The following MACROD2 variants were observed in gnomAD, a reference collection of about 807,000 sequenced individuals.
The protein encoded by MACROD2 is ADP-ribose glycohydrolase MACROD2.
MACROD2 carries 36 observed loss-of-function variants against 70.4 expected under a neutral mutation model. That is an observed-to-expected ratio of 0.51 (90% CI 0.39 to 0.68). MACROD2 has a LOEUF of 0.68. MACROD2 is among the 30% of genes least tolerant of loss of function. The pLI is 0.00. For missense variants in MACROD2, 496 were observed against 538.4 expected (o/e 0.92, Z 0.78); for synonymous variants, 172 against 178.8 (o/e 0.96, Z 0.30).
At chr20:15,245,874 C>A (rs1186500146) in intron 6 of MACROD2, among the ~76,000 whole-genome samples, 1 of 152,184 alleles carries the variant, frequency 6.6e-6, no homozygotes, top group African/African-American at 2.4e-5. Flanking sequence ...GAGGAACATC[C>A]AGATTTGCAC....
chr20:15,579,675 A>G (rs1159472297), intron 8 of MACROD2, among the ~76,000 whole-genome samples: 1 of 152,226 alleles, frequency 6.6e-6, no homozygotes, highest in Admixed American at 6.5e-5. Flanking sequence ...AAAATATTTG[A>G]TAATTCTCCT....
At chr20:15,515,435 T>A (rs975194739) in intron 8 of MACROD2, among the ~76,000 whole-genome samples, 4 of 152,246 alleles carry the variant, frequency 2.6e-5, no homozygotes, top group Non-Finnish European at 4.4e-5. Context: ...TTACTCCTGT[T>A]ATCTCTGCTC....
intron 8 of MACROD2, among the ~76,000 whole-genome samples, chr20:15,677,854 G>T (rs934138121): frequency 6.6e-6 from 1 of 152,102 alleles, no homozygotes. Flanking sequence ...GGATCATGAG[G>T]TCAAGAGATT....
intron 8 of MACROD2, among the ~76,000 whole-genome samples, chr20:15,706,060 A>G (rs1486617116): frequency 6.6e-6 from 1 of 152,218 alleles, no homozygotes; most frequent in Non-Finnish European, 1.5e-5. Flanking sequence ...GGATGTTGTT[A>G]CATGCCTGCC....
intron 3 of MACROD2, among the ~76,000 whole-genome samples, chr20:14,288,723 C>A (rs1751946423): frequency 6.6e-6 from 1 of 152,088 alleles, no homozygotes; most frequent in Admixed American, 6.5e-5. Flanking sequence ...TTTCAAGGAA[C>A]TTGAAATCAC....
intron 3 of MACROD2, among the ~76,000 whole-genome samples, chr20:14,227,625 G>A (rs982540358): frequency 2.5e-4 from 38 of 152,342 alleles, no homozygotes; most frequent in African/African-American, 8.2e-4. Flanking sequence ...CTGCCTTTAA[G>A]AACTGTAACA....
At chr20:14,741,760 T>G (rs773580880) in intron 5 of MACROD2, among the ~76,000 whole-genome samples, 13 of 152,122 alleles carry the variant, frequency 8.5e-5, no homozygotes, top group Non-Finnish European at 1.6e-4. Context: ...TTTTTAAGAA[T>G]GCAGTATATG....
In MACROD2 at chr20:14,600,343, T is replaced by TACACAC. The variant is rs1042255013; in HGVS notation, c.302-84482_302-84477dup. On this transcript the variant is annotated intron_variant, in intron 4 of 17. Transcript: ENST00000684519. ...ATGCAGCTACATATATATATATATA[T>TACACAC]ACACACACACACACACACACACAAA... 7.0e-4 allele frequency among the ~76,000 whole-genome samples: 91 copies of TACACAC among 129,796 alleles called. 1 individual carries two copies. The highest frequency in any genetic ancestry group is 2.6e-3 in the African/African-American group (81 of 31,428). The allele number at this position is 129,796 out of a possible 152,430, so 85.2% of individuals were successfully genotyped here.
chr20:15,497,015 T>C (rs563319902), intron 7 of MACROD2, among the ~76,000 whole-genome samples: 1 of 152,066 alleles, frequency 6.6e-6, no homozygotes, highest in South Asian at 2.1e-4. Context: ...CGGTGGAAAA[T>C]AGTTCAGAGG....
intron 8 of MACROD2, among the ~76,000 whole-genome samples, chr20:15,657,367 C>A (rs1477093090): frequency 6.6e-6 from 1 of 152,150 alleles, no homozygotes; most frequent in Admixed American, 6.5e-5. Context: ...AATTCGGCTA[C>A]CTGTTGTTGC....
intron 10 of MACROD2, among the ~76,000 whole-genome samples, chr20:15,932,560 T>C (rs1266955045): frequency 6.6e-6 from 1 of 152,178 alleles, no homozygotes; most frequent in East Asian, 1.9e-4. Flanking sequence ...ATTTGCTTCA[T>C]TTTCCAAACC....
At chr20:14,759,648 A>C (rs954353268) in intron 5 of MACROD2, among the ~76,000 whole-genome samples, 1 of 152,154 alleles carries the variant, frequency 6.6e-6, no homozygotes, top group Non-Finnish European at 1.5e-5. Flanking sequence ...ATTATTTTAC[A>C]TCTTAAAATA....
intron 8 of MACROD2, among the ~76,000 whole-genome samples, chr20:15,626,425 T>C (rs2049203409): frequency 6.6e-6 from 1 of 152,242 alleles, no homozygotes; most frequent in Non-Finnish European, 1.5e-5. Flanking sequence ...CTTGACAAGG[T>C]CCTGCCTCTT....
At chr20:15,729,847 G>A (rs200654127) in intron 8 of MACROD2, among the ~76,000 whole-genome samples, 1 of 4,376 alleles carries the variant, frequency 2.3e-4, no homozygotes, top group African/African-American at 8.9e-4. Context: ...TTTTTTTTTT[G>A]GATGGAGTTT....
At chr20:15,426,201 T>TAAA (rs35840462) in intron 6 of MACROD2, among the ~76,000 whole-genome samples, 1 of 94,760 alleles carries the variant, frequency 1.1e-5, no homozygotes, top group Non-Finnish European at 2.3e-5. Context: ...GAATGATCAA[T>TAAA]AAAAAAAAAA....
intron 6 of MACROD2, among the ~76,000 whole-genome samples, chr20:15,255,271 G>A (rs549427177): frequency 1.4e-4 from 21 of 152,004 alleles, no homozygotes; most frequent in Non-Finnish European, 2.5e-4. Flanking sequence ...GGATATCATT[G>A]ACCTAGTCTG....
intron 2 of MACROD2, among the ~76,000 whole-genome samples, chr20:14,077,894 C>CTTTTTTTTTTTTTTTTTTTTTT (rs58677755): frequency 2.5e-5 from 3 of 120,502 alleles, no homozygotes; most frequent in African/African-American, 3.1e-5. Flanking sequence ...AAAGGTTTTT[C>CTTTTTTTTTTTTTTTTTTTTTT]TTTTTTTTTT....
chr20:15,908,196 C>T (rs186836172), intron 10 of MACROD2, among the ~76,000 whole-genome samples: 160 of 152,276 alleles, frequency 1.1e-3, no homozygotes, highest in African/African-American at 3.7e-3. Context: ...TGCGCTAGAC[C>T]AGTGGAAGTC....
At chr20:15,024,222 A>G (rs2075212270) in intron 5 of MACROD2, among the ~76,000 whole-genome samples, 1 of 152,194 alleles carries the variant, frequency 6.6e-6, no homozygotes, top group Non-Finnish European at 1.5e-5. Context: ...GCCATATTCT[A>G]GGCATTAAAA....
Sources: gnomAD v4.1 joint callset for allele counts (sites outside exome capture counted in the v4.1 genomes callset) on GRCh38, gnomAD v4.1.1 for gene constraint, MANE v1.5 for transcripts, NCBI Gene and HGNC (gene_info 2026-07-23, HGNC 2026-07-21) for gene names.